The following PCDH15 variants were observed in gnomAD, a reference collection of about 807,000 sequenced individuals.
PCDH15 encodes the protein protocadherin-15.
PCDH15 carries 129 observed loss-of-function variants against 178.5 expected under a neutral mutation model. The observed-to-expected ratio is 0.72, with a 90% CI of 0.63 to 0.84. PCDH15 has a LOEUF of 0.84. Ranked by LOEUF, PCDH15 falls within the 40% of genes least tolerant of loss-of-function variation. The probability of loss-of-function intolerance (pLI) is 0.00; values close to 1 mark genes in which losing one functional copy is unlikely to be tolerated. For synonymous variants in PCDH15, 800 were observed against 732.0 expected, an observed-to-expected ratio of 1.09 and a Z score of -1.50; for missense variants, 2,230 against 2,099.9, an observed-to-expected ratio of 1.06 and a Z score of -1.21.
chr10:54,434,202 A>T (rs2075223385), intron 3 of PCDH15, among the ~76,000 whole-genome samples: 1 of 152,212 alleles, frequency 6.6e-6, no homozygotes, highest in Non-Finnish European at 1.5e-5. Context: ...GTTAAATAAA[A>T]GTTTATTAAG....
chr10:54,178,922 G>T (rs968849777), intron 13 of PCDH15, among the ~76,000 whole-genome samples: 5 of 152,088 alleles, frequency 3.3e-5, no homozygotes, highest in Non-Finnish European at 7.4e-5. Context: ...GAAACAACAG[G>T]TGCTGGAGAG....
At chr10:54,822,750 G>A (rs778201433) in intron 3 of PCDH15, among the ~76,000 whole-genome samples, 75 of 151,490 alleles carry the variant, frequency 5.0e-4, no homozygotes, top group African/African-American at 1.6e-3. Flanking sequence ...ACATTCCTGC[G>A]AACAGGAATA....
intron 2 of PCDH15, among the ~76,000 whole-genome samples, chr10:55,382,021 A>G (rs1837544561): frequency 6.6e-6 from 1 of 152,192 alleles, no homozygotes; most frequent in Non-Finnish European, 1.5e-5. Context: ...CTCTATATCC[A>G]GCTACAGCTA....
chr10:53,813,376 C>G (rs2075947412), intron 35 of PCDH15, among the ~76,000 whole-genome samples: 1 of 152,048 alleles, frequency 6.6e-6, no homozygotes, highest in Non-Finnish European at 1.5e-5. Flanking sequence ...TGAACCTACT[C>G]TAAAGGAATC....
intron 3 of PCDH15, among the ~76,000 whole-genome samples, chr10:54,435,108 C>A (rs2151077): frequency 0.48 from 72,405 of 151,950 alleles, 18,035 homozygotes; most frequent in Middle Eastern, 0.52. Flanking sequence ...TTCAGAATTA[C>A]AATCTTTACC....
rs186830807 is a variant in PCDH15 at position 55,122,604 on chromosome 10, C to T, written c.-80+43972G>A. Among the ~76,000 whole-genome samples, 8 of 152,028 alleles carry T rather than the reference C, an allele frequency of 5.3e-5. No homozygotes were observed. In the South Asian group the frequency reaches 8.3e-4, roughly 16 times the overall value. On this transcript the variant is annotated intron_variant, in intron 2 of 5. Transcript: ENST00000458638. Reference sequence around the variant, plus strand: ...TAAGATCAGTTTATGGATTTATCATCGACTGGAATGCTGAAATCACAAAAG... The same window carrying T: ...TAAGATCAGTTTATGGATTTATCATTGACTGGAATGCTGAAATCACAAAAG...
intron 2 of PCDH15, among the ~76,000 whole-genome samples, chr10:55,424,499 C>T (rs964645017): frequency 6.6e-6 from 1 of 152,104 alleles, no homozygotes; most frequent in Non-Finnish European, 1.5e-5. Flanking sequence ...TTTTCTGGCT[C>T]GCAATTAGGT....
At chr10:54,001,302 A>T (rs1181502803) in intron 20 of PCDH15, among the ~76,000 whole-genome samples, 1 of 152,190 alleles carries the variant, frequency 6.6e-6, no homozygotes, top group African/African-American at 2.4e-5. Context: ...TAACACTGTA[A>T]CTGTGGTGGT....
At chr10:54,213,270 C>T (rs146360916) in intron 10 of PCDH15, among the ~76,000 whole-genome samples, 1 of 152,060 alleles carries the variant, frequency 6.6e-6, no homozygotes, top group East Asian at 1.9e-4. Flanking sequence ...CTCACCATCT[C>T]AATGAAGTCC....
At chr10:54,909,729 T>G (rs1954787565) in intron 2 of PCDH15, among the ~76,000 whole-genome samples, 1 of 152,096 alleles carries the variant, frequency 6.6e-6, no homozygotes, top group South Asian at 2.1e-4. Flanking sequence ...TCACAGCAGC[T>G]GCTTGGGCAG....
intron 13 of PCDH15, among the ~76,000 whole-genome samples, chr10:54,174,429 G>A (rs1312073093): frequency 1.3e-5 from 2 of 152,002 alleles, no homozygotes; most frequent in Admixed American, 6.6e-5. Flanking sequence ...CAGCTACTCA[G>A]GAGGCTGAGA....
At chr10:55,571,308 C>T (rs140977906) in intron 2 of PCDH15, among the ~76,000 whole-genome samples, 7 of 152,134 alleles carry the variant, frequency 4.6e-5, no homozygotes, top group African/African-American at 1.7e-4. Context: ...GCCTGTAGAA[C>T]TGTGAGCTAA....
intron 2 of PCDH15, among the ~76,000 whole-genome samples, chr10:54,933,514 G>C (rs1221633097): frequency 2.0e-5 from 3 of 152,010 alleles, no homozygotes; most frequent in Non-Finnish European, 4.4e-5. Flanking sequence ...TGGAATAGAA[G>C]AGCAAAAGAG....
upstream of PCDH15, among the ~76,000 whole-genome samples, chr10:54,805,374 C>G (rs1463424304): frequency 1.3e-5 from 2 of 152,060 alleles, no homozygotes; most frequent in South Asian, 2.1e-4. Flanking sequence ...TCGAGTCATT[C>G]TAGACGACTT....
chr10:55,326,278 G>GC (rs2132305000), intron 2 of PCDH15, among the ~76,000 whole-genome samples: 1 of 152,174 alleles, frequency 6.6e-6, no homozygotes, highest in South Asian at 2.1e-4. Context: ...AAAGACACAG[G>GC]CACACATATG....
At chr10:55,552,852 C>T (rs1466559032) in intron 2 of PCDH15, among the ~76,000 whole-genome samples, 1 of 151,332 alleles carries the variant, frequency 6.6e-6, no homozygotes, top group Non-Finnish European at 1.5e-5. Flanking sequence ...ATTTTGTTTT[C>T]TTAAAATGCA....
intron 2 of PCDH15, among the ~76,000 whole-genome samples, chr10:55,333,021 G>C (rs1434716368): frequency 6.6e-6 from 1 of 152,096 alleles, no homozygotes; most frequent in African/African-American, 2.4e-5. Context: ...TTTCTTGAAT[G>C]CATACTTTTA....
chr10:55,134,000 T>G (rs987200653), intron 2 of PCDH15, among the ~76,000 whole-genome samples: 20 of 152,150 alleles, frequency 1.3e-4, no homozygotes, highest in Non-Finnish European at 2.6e-4. Flanking sequence ...ATTAAAATAA[T>G]CCTTTAAAAA....
chr10:54,334,188 A>C (rs1014077774), intron 6 of PCDH15, among the ~76,000 whole-genome samples: 19 of 152,198 alleles, frequency 1.2e-4, no homozygotes, highest in African/African-American at 4.3e-4. Context: ...ACTTTCTGAC[A>C]GTTCAGTGAC....
Sources: gnomAD v4.1 joint callset for allele counts (sites outside exome capture counted in the v4.1 genomes callset) on GRCh38, gnomAD v4.1.1 for gene constraint, MANE v1.5 for transcripts, NCBI Gene and HGNC (gene_info 2026-07-23, HGNC 2026-07-21) for gene names.